Variants in WWC2 observed in about 807,000 individuals in gnomAD.
WWC2 encodes protein WWC2.
A neutral mutation model predicts 138.5 loss-of-function variants in WWC2; 101 were observed. That is an observed-to-expected ratio of 0.73 (90% confidence interval 0.62 to 0.86). The LOEUF (loss-of-function observed/expected upper bound fraction) is 0.86, where lower values mean the gene tolerates loss of function less well. Ranked by LOEUF, WWC2 falls within the 40% of genes least tolerant of loss-of-function variation. WWC2 has a pLI of 0.00. For synonymous variants in WWC2, 558 were observed against 538.4 expected (o/e 1.04, Z -0.50); for missense variants, 1,420 against 1,419.4 (o/e 1.00, Z -0.01).
intron 21 of WWC2, among the ~76,000 whole-genome samples, chr4:183,308,015 A>T (rs1739080914): frequency 6.6e-6 from 1 of 152,244 alleles, no homozygotes; most frequent in African/African-American, 2.4e-5. Context: ...GGAACTAATA[A>T]GTGATTATAA....
At position 183,126,226 on chromosome 4, in the gene WWC2, T is replaced by G. The variant is rs558124616; in HGVS notation, c.131+26604T>G. On this transcript the variant is annotated intron_variant, in intron 1 of 22. Transcript: ENST00000403733. ...GGGTATTCAGATAAATTTTGTCCAC[T>G]GCTGACAGAACTGGGTGAGAACAAG... Among the ~76,000 whole-genome samples, 18 of 152,312 alleles carry G rather than the reference T, an allele frequency of 1.2e-4. 1 individual carries two copies. In the South Asian group the frequency reaches 3.7e-3, roughly 32 times the overall value.
chr4:183,196,911 A>G (rs906126811), intron 2 of WWC2, among the ~76,000 whole-genome samples: 1 of 152,118 alleles, frequency 6.6e-6, no homozygotes, highest in African/African-American at 2.4e-5. Context: ...GACCAGGTGC[A>G]TAGGGATTTT....
At chr4:183,108,680 G>A (rs1163452161) in intron 1 of WWC2, among the ~76,000 whole-genome samples, 1 of 151,672 alleles carries the variant, frequency 6.6e-6, no homozygotes, top group South Asian at 2.1e-4. Flanking sequence ...TTGTGATCTC[G>A]GCTCACTGCA....
At chr4:183,184,147 C>T (rs1048775566) in intron 1 of WWC2, among the ~76,000 whole-genome samples, 3 of 152,182 alleles carry the variant, frequency 2.0e-5, no homozygotes, top group African/African-American at 7.2e-5. Flanking sequence ...TTACCCCTTT[C>T]CTTGTCCCCT....
rs564187959 is a variant in WWC2 at position 183,101,946 on chromosome 4, CAG to C, written c.131+2326_131+2327del. ...GAATTTTGTGTTTTTGATAGTCTAT[CAG>C]AATTTGTTGAATATTTCTGATTATA... On this transcript the variant is annotated intron_variant, in intron 1 of 22. Transcript: ENST00000403733. Among the ~76,000 whole-genome samples the C allele has an allele frequency of 2.4e-3, 362 of 152,268 alleles. 1 individual carries two copies. The highest frequency in any genetic ancestry group is 8.4e-3 in the African/African-American group (351 of 41,548).
At chr4:183,235,932 A>G (rs571133221) in intron 4 of WWC2, among the ~76,000 whole-genome samples, 86 of 152,290 alleles carry the variant, frequency 5.6e-4, no homozygotes, top group African/African-American at 2.0e-3. Context: ...TAAGACTTCT[A>G]TTTTATGTCA....
chr4:183,311,767 C>T (rs1026701918), intron 21 of WWC2, among the ~76,000 whole-genome samples: 9 of 151,870 alleles, frequency 5.9e-5, no homozygotes, highest in African/African-American at 1.4e-4. Context: ...TTAGTAGAGA[C>T]GGGGTTTCAC....
intron 1 of WWC2, among the ~76,000 whole-genome samples, chr4:183,128,331 T>C (rs1277945355): frequency 1.3e-5 from 2 of 151,456 alleles, no homozygotes; most frequent in East Asian, 1.9e-4. Flanking sequence ...AGAGCGAGAC[T>C]GTCTCAAAGA....
chr4:183,273,326 C>G (rs371928094), intron 16 of WWC2, among the ~76,000 whole-genome samples: 1 of 151,710 alleles, frequency 6.6e-6, no homozygotes, highest in African/African-American at 2.4e-5. Flanking sequence ...TCTTTTGAGA[C>G]GGAGTTTTCT....
At chr4:183,267,636 A>G (rs536425268) in intron 14 of WWC2, among the ~76,000 whole-genome samples, 6 of 152,230 alleles carry the variant, frequency 3.9e-5, no homozygotes, top group Non-Finnish European at 7.3e-5. Context: ...AATCACAGTC[A>G]TTCTCACTTA....
In WWC2 at chr4:183,265,712, A is replaced by T. The variant is rs990980680; in HGVS notation, c.2064A>T (p.Thr688=). ...VKQPSEMEDV[T]YSEEDVAIVE... ...GACCTAGTGAAATGGAAGATGTCAC[A>T]TACAGTGAAGAGGATGTAGCCATTG... The change falls in exon 13 of 23, where the codon ACA becomes ACT. Residue 688 remains threonine (T), a synonymous_variant. Coordinates refer to ENST00000403733, the MANE Select transcript of WWC2 (RefSeq NM_024949.6). 1.2e-6 allele frequency: 2 copies of T among 1,611,674 alleles called. No individual in the cohort carries two copies. Among genetic ancestry groups the T allele is most frequent in the African/African-American group, 1.3e-5 (1 of 74,926 alleles).
intron 1 of WWC2, among the ~76,000 whole-genome samples, chr4:183,153,845 A>G (rs1026638566): frequency 6.6e-6 from 1 of 151,492 alleles, no homozygotes; most frequent in African/African-American, 2.4e-5. Flanking sequence ...GGGTTTCACC[A>G]TGTCCCCCAG....
chr4:183,178,692 G>T (rs1734536201), intron 1 of WWC2, among the ~76,000 whole-genome samples: 1 of 152,072 alleles, frequency 6.6e-6, no homozygotes, highest in Admixed American at 6.6e-5. Context: ...GACAGCAGCT[G>T]TGCCTTTACA....
In WWC2 at chr4:183,315,654, C is replaced by T. The variant is rs763574484; in HGVS notation, c.3513-9C>T. ...ATATAAGTCAATTTATTTCTCACCCCAACTCTAGGGAGAAGATTGCCTACT... is the reference window on the plus strand; with the variant it reads ...ATATAAGTCAATTTATTTCTCACCCTAACTCTAGGGAGAAGATTGCCTACT... On this transcript the variant is annotated splice_polypyrimidine_tract_variant and intron_variant, in intron 22 of 22. Transcript: ENST00000403733. The T allele has an allele frequency of 6.2e-6, 10 of 1,610,102 alleles. No individual in the cohort carries two copies. The highest frequency in any genetic ancestry group is 8.5e-6 in the Non-Finnish European group (10 of 1,177,754).
chr4:183,285,876 C>A, intron 19 of WWC2, 91 bp from the exon 20 acceptor site: 1 of 1,182,860 alleles, frequency 8.5e-7, no homozygotes, highest in Non-Finnish European at 1.2e-6. Context: ...CTATGACTAC[C>A]TGCTTTACTT....
intron 1 of WWC2, among the ~76,000 whole-genome samples, chr4:183,168,195 A>G (rs138050668): frequency 1.5e-5 from 1 of 68,004 alleles, no homozygotes; most frequent in South Asian, 4.6e-4. Flanking sequence ...TTTTTTTTTT[A>G]AGATTTAGAA....
At chr4:183,167,707 G>C (rs1377265271) in intron 1 of WWC2, among the ~76,000 whole-genome samples, 1 of 152,030 alleles carries the variant, frequency 6.6e-6, no homozygotes, top group Non-Finnish European at 1.5e-5. Flanking sequence ...GGTGCACTTA[G>C]AAAAAACATG....
intron 8 of WWC2, among the ~76,000 whole-genome samples, chr4:183,251,300 G>A (rs1736975420): frequency 6.6e-6 from 1 of 152,216 alleles, no homozygotes; most frequent in Non-Finnish European, 1.5e-5. Flanking sequence ...CCCTTGTTGT[G>A]TGTCCACCTG....
intron 1 of WWC2, among the ~76,000 whole-genome samples, chr4:183,185,600 C>T (rs1294161759): frequency 6.6e-6 from 1 of 152,004 alleles, no homozygotes; most frequent in Non-Finnish European, 1.5e-5. Flanking sequence ...GCTATGTTTC[C>T]TTTTATTCGT....
Sources: gnomAD v4.1 joint callset for allele counts (sites outside exome capture counted in the v4.1 genomes callset) on GRCh38, gnomAD v4.1.1 for gene constraint, MANE v1.5 for transcripts, NCBI Gene and HGNC (gene_info 2026-07-23, HGNC 2026-07-21) for gene names.